Variants in RUNX1 observed in about 807,000 individuals in gnomAD.
RUNX1 encodes runt-related transcription factor 1.
A neutral mutation model predicts 42.8 loss-of-function variants in RUNX1; 19 were observed. The observed-to-expected ratio is 0.44, with a 90% CI of 0.31 to 0.65. The LOEUF (loss-of-function observed/expected upper bound fraction) is 0.65, where lower values mean the gene tolerates loss of function less well. RUNX1 is among the 30% of genes least tolerant of loss of function. The probability of loss-of-function intolerance (pLI) is 0.07; values close to 1 mark genes in which losing one functional copy is unlikely to be tolerated. For missense variants in RUNX1, 528 were observed against 672.0 expected, an observed-to-expected ratio of 0.79 and a Z score of 2.37; for synonymous variants, 271 against 289.4, an observed-to-expected ratio of 0.94 and a Z score of 0.64.
chr21:34,825,365 C>T (rs975733501), intron 7 of RUNX1, among the ~76,000 whole-genome samples: 1 of 152,202 alleles, frequency 6.6e-6, no homozygotes, highest in African/African-American at 2.4e-5. Context: ...AGCTCTTTCT[C>T]TATCACTGTC....
intron 2 of RUNX1, among the ~76,000 whole-genome samples, chr21:34,993,624 CACACACACAG>C (rs1419071839): frequency 9.4e-6 from 1 of 106,004 alleles, no homozygotes; most frequent in Non-Finnish European, 1.9e-5. Context: ...CACACACAGA[CACACACACAG>C]ACACACACAG....
intron 2 of RUNX1, among the ~76,000 whole-genome samples, chr21:35,013,439 G>T (rs1251147693): frequency 6.6e-6 from 1 of 152,192 alleles, no homozygotes; most frequent in Non-Finnish European, 1.5e-5. Context: ...GGAAGAAATG[G>T]CTACCAGAAT....
At chr21:34,947,877 T>C in intron 2 of RUNX1, among the ~76,000 whole-genome samples, 1 of 152,176 alleles carries the variant, frequency 6.6e-6, no homozygotes, top group South Asian at 2.1e-4. Context: ...TGCTAACATT[T>C]GGAAAGTGAC....
intron 2 of RUNX1, among the ~76,000 whole-genome samples, chr21:34,994,722 T>C (rs1460184158): frequency 6.6e-6 from 1 of 152,250 alleles, no homozygotes; most frequent in Non-Finnish European, 1.5e-5. Flanking sequence ...TATCTTCTTC[T>C]ACTGATGAGG....
Position 34,834,544 on chromosome 21 carries a change from C to T in RUNX1, c.671G>A (p.Arg224Gln), listed in dbSNP as rs754894156. 2.5e-6 allele frequency: 4 copies of T among 1,611,650 alleles called. No individual in the cohort carries two copies. The highest frequency in any genetic ancestry group is 2.2e-5 in the East Asian group (1 of 44,790). Residue 224 changes from arginine to glutamine, a missense_variant, in exon 7 of 9, where the codon CGG (arginine) becomes CAG (glutamine). Arg to Gln is a conservative substitution (Grantham distance 43, BLOSUM62 1). Around this residue, in one of 3 missense-constraint regions of RUNX1, gnomAD observed 331 missense variants for 382.5 expected, o/e 0.87. Transcript: ENST00000675419. ...TKPGSLSFSE[R>Q]LSELEQLRRT... ...CCGCAGCTGCTCCAGTTCACTGAGCCGCTCGGAAAAGGACAAGCTCCCGGG... is the reference window on the plus strand; with the variant it reads ...CCGCAGCTGCTCCAGTTCACTGAGCTGCTCGGAAAAGGACAAGCTCCCGGG...
intron 2 of RUNX1, among the ~76,000 whole-genome samples, chr21:34,980,617 G>A (rs2058839744): frequency 6.6e-6 from 1 of 152,112 alleles, no homozygotes; most frequent in African/African-American, 2.4e-5. Flanking sequence ...AATGACCTCT[G>A]CTATCCCGAG....
intron 2 of RUNX1, among the ~76,000 whole-genome samples, chr21:35,039,837 C>T (rs939773437): frequency 1.3e-5 from 2 of 152,194 alleles, no homozygotes; most frequent in African/African-American, 4.8e-5. Flanking sequence ...TTCCTCTCCT[C>T]TAGAACTTTG....
intron 2 of RUNX1, among the ~76,000 whole-genome samples, chr21:34,925,292 G>A (rs1251563439): frequency 2.6e-5 from 4 of 152,180 alleles, no homozygotes; most frequent in Non-Finnish European, 5.9e-5. Context: ...GTTATGGGTT[G>A]AATTGTGTCC....
chr21:35,022,830 G>C lies in RUNX1; in HGVS notation c.58+26012C>G, dbSNP rs370040744. Among the ~76,000 whole-genome samples, 18 of 151,780 alleles carry C rather than the reference G, an allele frequency of 1.2e-4. 1 individual carries two copies. In the South Asian group the frequency reaches 3.5e-3, roughly 30 times the overall value. On this transcript the variant is annotated intron_variant, in intron 2 of 8. Transcript: ENST00000675419. ...GAATTGCTTGAACCCAGGAGGTGGA[G>C]GTTGCAGTGAGCCGAGATCGCGCCA...
intron 2 of RUNX1, among the ~76,000 whole-genome samples, chr21:34,976,746 C>T (rs2058804833): frequency 6.6e-6 from 1 of 152,174 alleles, no homozygotes; most frequent in African/African-American, 2.4e-5. Flanking sequence ...GCTAGAGCAC[C>T]ATGATCAGTT....
At position 34,909,588 on chromosome 21, in the gene RUNX1, CAAA is replaced by C. The variant is rs10584066; in HGVS notation, c.59-16628_59-16626del. Among the ~76,000 whole-genome samples the C allele has an allele frequency of 1.0e-3, 76 of 75,012 alleles. 2 individuals are homozygous for C. The highest frequency in any genetic ancestry group is 4.1e-3 in the African/African-American group (66 of 16,006). The allele number at this position is 75,012 out of a possible 152,430, so 49.2% of individuals were successfully genotyped here. ...TTATACAGACCAGGTCACTGTTCCTCAAAAAAAAAAAAAAAAAAAAGATGGTGT... is the reference window on the plus strand; with the variant it reads ...TTATACAGACCAGGTCACTGTTCCTCAAAAAAAAAAAAAAAAAGATGGTGT... On this transcript the variant is annotated intron_variant, in intron 2 of 8. Coordinates refer to ENST00000675419, the MANE Select transcript of RUNX1 (RefSeq NM_001754.5).
intron 2 of RUNX1, among the ~76,000 whole-genome samples, chr21:34,997,250 A>G (rs1042301164): frequency 6.6e-6 from 1 of 152,266 alleles, no homozygotes; most frequent in Non-Finnish European, 1.5e-5. Flanking sequence ...AAACTTTTGC[A>G]TGGCTGTAGA....
At chr21:34,972,779 T>C (rs765191166) in intron 2 of RUNX1, among the ~76,000 whole-genome samples, 10 of 152,172 alleles carry the variant, frequency 6.6e-5, no homozygotes, top group Admixed American at 3.9e-4. Context: ...ACAGCAGGCA[T>C]CATTTGGCAG....
intron 2 of RUNX1, among the ~76,000 whole-genome samples, chr21:34,948,981 C>G (rs2058586645): frequency 2.6e-5 from 4 of 152,038 alleles, no homozygotes; most frequent in Admixed American, 2.6e-4. Context: ...GTCTTGAACT[C>G]CTGACCTCGT....
At chr21:34,960,121 A>G (rs761624214) in intron 2 of RUNX1, among the ~76,000 whole-genome samples, 1 of 152,170 alleles carries the variant, frequency 6.6e-6, no homozygotes, top group Non-Finnish European at 1.5e-5. Context: ...ACAAGAGAGA[A>G]GCTTGGGGCA....
chr21:34,894,135 C>A lies in RUNX1; in HGVS notation c.59-1172G>T, dbSNP rs769360046. 2.6e-5 allele frequency among the ~76,000 whole-genome samples: 4 copies of A among 152,122 alleles called. No individual in the cohort carries two copies. The South Asian group carries it at 8.3e-4, about 31-fold the overall frequency. The stretch of plus-strand genomic sequence containing the variant: ...TAAATGTATCCTGAAGTTACGTCAG[C>A]TCAGCTTTAATAGGTGTTGGGGCAG... On this transcript the variant is annotated intron_variant, in intron 2 of 8. Coordinates refer to ENST00000675419, the MANE Select transcript of RUNX1 (RefSeq NM_001754.5).
chr21:34,819,363 A>G (rs1020683239), intron 7 of RUNX1, among the ~76,000 whole-genome samples: 8 of 152,316 alleles, frequency 5.3e-5, no homozygotes, highest in African/African-American at 1.9e-4. Context: ...GATGGAGATG[A>G]CAGGTCTGCA....
rs2056422126 is a variant in RUNX1 at position 34,790,626 on chromosome 21, C to T, written c.*1509G>A. On this transcript the variant is annotated 3_prime_UTR_variant, in exon 9 of 9. Transcript: ENST00000675419. ...TCACACTGGTGCACAGGTAAAAGCCCATATACCCCATAGGGTAGGGTCTCA... is the reference window on the plus strand; with the variant it reads ...TCACACTGGTGCACAGGTAAAAGCCTATATACCCCATAGGGTAGGGTCTCA... 4.3e-6 allele frequency: 1 copy of T among 233,258 alleles called. No homozygotes were observed. The highest frequency in any genetic ancestry group is 8.5e-6 in the Non-Finnish European group (1 of 118,050). 14.4% of individuals were successfully genotyped at this position (233,258 alleles called of 1,614,324 possible).
chr21:34,888,494 AAG>A, intron 3 of RUNX1: 1 of 1,066,246 alleles, frequency 9.4e-7, no homozygotes, highest in Non-Finnish European at 1.1e-6. Context: ...AAAAGGAAGA[AAG>A]GGGAAAAACA....
Sources: allele counts gnomAD v4.1 joint callset (sites outside exome capture counted in the v4.1 genomes callset), GRCh38; gene constraint gnomAD v4.1.1; regional missense constraint gnomAD v4.1.1; transcripts MANE v1.5; gene names NCBI Gene and HGNC (gene_info 2026-07-23, HGNC 2026-07-21).